Variants in ZCWPW1 observed in about 807,000 individuals in gnomAD.
ZCWPW1 encodes the protein zinc finger CW-type PWWP domain protein 1.
ZCWPW1 carries 56 observed loss-of-function variants against 81.3 expected under a neutral mutation model. That is an observed-to-expected ratio of 0.69 (90% CI 0.56 to 0.86). ZCWPW1 has a LOEUF of 0.86. Among genes scored for constraint, ZCWPW1 ranks in the 40% least tolerant of loss-of-function variants. The pLI is 0.00. For missense variants in ZCWPW1, 650 were observed against 769.8 expected (o/e 0.84, Z 1.84); for synonymous variants, 250 against 273.7 (o/e 0.91, Z 0.86).
At position 100,401,028 on chromosome 7, in the gene ZCWPW1, G is replaced by A. The variant is rs1378690221; in HGVS notation, c.1936C>T (p.Leu646=). ...AGGAGCACCAGCTACTTCCCAAACA[G>A]CGCCACGGGGAAGTCCTCGCCATCA... is the stretch of plus-strand genomic sequence containing the variant. ...NSDGEDFPVA[L]FGK is the part of the protein sequence containing the mutation. Residue 646 remains leucine (L), a synonymous_variant, in exon 18 of 18, where the codon CTG becomes TTG. Coordinates refer to ENST00000684423, the MANE Select transcript of ZCWPW1 (RefSeq NM_001386010.1). The A allele has an allele frequency of 6.2e-7, 1 of 1,608,366 alleles. No homozygotes were observed. The highest frequency in any genetic ancestry group is 8.5e-7 in the Non-Finnish European group (1 of 1,176,060).
At chr7:100,409,112 C>T (rs1267560948) in intron 9 of ZCWPW1, among the ~76,000 whole-genome samples, 1 of 152,128 alleles carries the variant, frequency 6.6e-6, no homozygotes, top group African/African-American at 2.4e-5. Context: ...TCTGTTTTCC[C>T]CGATATATCC....
intron 15 of ZCWPW1, among the ~76,000 whole-genome samples, chr7:100,403,246 C>T (rs1245299479): frequency 2.0e-5 from 3 of 147,626 alleles, no homozygotes; most frequent in South Asian, 2.1e-4. Context: ...GAGGGAGTTT[C>T]GCTCTGTTGC....
chr7:100,408,009 G>A (rs776225549), intron 10 of ZCWPW1, among the ~76,000 whole-genome samples: 6 of 152,126 alleles, frequency 3.9e-5, no homozygotes, highest in Non-Finnish European at 8.8e-5. Flanking sequence ...GGAGTGCAGT[G>A]GTGCAATCTT....
chr7:100,414,690 C>T (rs1226905156), intron 8 of ZCWPW1, among the ~76,000 whole-genome samples: 1 of 151,962 alleles, frequency 6.6e-6, no homozygotes, highest in African/African-American at 2.4e-5. Context: ...TTTTTGAACA[C>T]ACTAGTATAT....
At chr7:100,401,406 T>G in intron 17 of ZCWPW1, 70 bp from the exon 18 acceptor site, 1 of 1,303,276 alleles carries the variant, frequency 7.7e-7, no homozygotes, top group Non-Finnish European at 1.0e-6. Context: ...TAAGTCAAAC[T>G]CCTAAATCTC....
At position 100,401,998 on chromosome 7, in the gene ZCWPW1, T is replaced by A; in HGVS notation, c.1518A>T (p.Thr506=). Residue 506 remains threonine (T), a synonymous_variant, in exon 17 of 18, where the codon ACA becomes ACT. Coordinates refer to ENST00000684423, the MANE Select transcript of ZCWPW1 (RefSeq NM_001386010.1). ...DAGTADGRGR[T]LQRKIMKRSL... is the part of the protein sequence containing the mutation. ...ATCTCTTCATTATCTTCCTCTGCAG[T>A]GTCCTGCCTCGGCCATCTGCTGTGC... is the stretch of plus-strand genomic sequence containing the variant. The A allele has an allele frequency of 6.2e-7, 1 of 1,614,006 alleles. No homozygotes were observed. The highest frequency in any genetic ancestry group is 8.5e-7 in the Non-Finnish European group (1 of 1,179,928).
intron 12 of ZCWPW1, among the ~76,000 whole-genome samples, chr7:100,406,369 C>T (rs1336230230): frequency 1.3e-5 from 2 of 152,218 alleles, no homozygotes; most frequent in East Asian, 1.9e-4. Flanking sequence ...TTATCTCGCC[C>T]GAAATGCCAA....
chr7:100,404,436 C>T (rs1320071658), intron 13 of ZCWPW1, among the ~76,000 whole-genome samples, 192 bp from the exon 14 acceptor site: 4 of 152,232 alleles, frequency 2.6e-5, no homozygotes, highest in Non-Finnish European at 1.5e-5. Context: ...TCTTTACTCA[C>T]TGCAACCTCC....
chr7:100,408,547 A>ATG lies in ZCWPW1; in HGVS notation c.983_984insCA (p.Tyr329IlefsTer8). ...GTGTCATAATGCCCTACCAGGGGTA[A>ATG]CCGTATTGCTTGGCCCAGATGATGG... On this transcript the variant is annotated frameshift_variant, in exon 10 of 18. Coordinates refer to ENST00000684423, the MANE Select transcript of ZCWPW1 (RefSeq NM_001386010.1). LOFTEE classifies it high-confidence loss of function. The ATG allele has an allele frequency of 6.2e-7, 1 of 1,613,728 alleles. No individual in the cohort carries two copies.
chr7:100,407,180 T>G, intron 11 of ZCWPW1, 48 bp downstream of exon 11: 1 of 1,556,786 alleles, frequency 6.4e-7, no homozygotes, highest in Non-Finnish European at 8.9e-7. Context: ...ATGGATTTGT[T>G]CATTACTTTG....
chr7:100,401,795 G>A lies in ZCWPW1; in HGVS notation c.1627+94C>T, dbSNP rs117419696. ...ATTTTCATTCATTCTGTAAAGTAAT[G>A]AAAAGCTGTAAAATGGTTAAGAAAT... is the stretch of plus-strand genomic sequence containing the variant. On this transcript the variant is annotated intron_variant, in intron 17 of 17. Coordinates refer to ENST00000684423, the MANE Select transcript of ZCWPW1 (RefSeq NM_001386010.1). The A allele has an allele frequency of 4.9e-5, 72 of 1,471,016 alleles. No homozygotes were observed. In the East Asian group the frequency reaches 1.6e-3, roughly 32 times the overall value. The allele number at this position is 1,471,016 out of a possible 1,614,324, so 91.1% of individuals were successfully genotyped here.
chr7:100,419,967 CAG>C (rs1379662126), intron 3 of ZCWPW1, 84 bp from the exon 4 acceptor site: 520 of 1,141,882 alleles, frequency 4.6e-4, no homozygotes, highest in Non-Finnish European at 2.3e-5. Context: ...CTAGCCATAA[CAG>C]AATGATATGG....
intron 2 of ZCWPW1, among the ~76,000 whole-genome samples, chr7:100,422,150 T>G (rs1191656133): frequency 6.6e-6 from 1 of 152,198 alleles, no homozygotes; most frequent in Non-Finnish European, 1.5e-5. Context: ...TGGGGGAAAT[T>G]CAGGTTTACA....
intron 13 of ZCWPW1, 119 bp from the exon 14 acceptor site, chr7:100,404,363 CATTATT>C (rs1159872694): frequency 4.3e-6 from 4 of 930,842 alleles, no homozygotes; most frequent in Non-Finnish European, 3.3e-6. Flanking sequence ...CCAAAATTAT[CATTATT>C]ATTATTTTTG....
chr7:100,407,412 A>C (rs1015892874), intron 10 of ZCWPW1, 109 bp from the exon 11 acceptor site: 8 of 987,454 alleles, frequency 8.1e-6, no homozygotes, highest in South Asian at 7.3e-5. Context: ...TTTTTTTCTG[A>C]GACAAGGTCT....
Position 100,417,052 on chromosome 7 carries a change from T to G in ZCWPW1, c.479+14A>C, listed in dbSNP as rs371547757. 3.7e-6 allele frequency: 6 copies of G among 1,602,770 alleles called. No individual in the cohort carries two copies. The African/African-American group carries it at 8.0e-5, about 21-fold the overall frequency. ...CCATTCTGTGTTCAACTTGCCTCAC[T>G]GAAATAAACTTACCCATTAGCATTA... On this transcript the variant is annotated intron_variant, in intron 6 of 17. Coordinates refer to ENST00000684423, the MANE Select transcript of ZCWPW1 (RefSeq NM_001386010.1).
intron 8 of ZCWPW1, among the ~76,000 whole-genome samples, chr7:100,411,251 G>GA (rs147130878): frequency 0.21 from 32,156 of 151,728 alleles, 3,678 homozygotes; most frequent in African/African-American, 0.29. Context: ...TCACATATAA[G>GA]GATCACTTTC....
chr7:100,403,428 G>A (rs982465027), intron 15 of ZCWPW1, among the ~76,000 whole-genome samples: 5 of 152,116 alleles, frequency 3.3e-5, no homozygotes, highest in Admixed American at 2.6e-4. Context: ...TGTTAGCCAG[G>A]ATGGTCTCGA....
Position 100,401,076 on chromosome 7 carries a change from C to G in ZCWPW1, c.1888G>C (p.Gly630Arg). The change falls in exon 18 of 18, where the codon GGG (glycine) becomes CGG (arginine). Residue 630 changes from glycine (G) to arginine (R), a missense_variant. Coordinates refer to ENST00000684423, the MANE Select transcript of ZCWPW1 (RefSeq NM_001386010.1). ...TCACTGTTGCTGTGCTGCAGCTCCC[C>G]GCTCTGCCCCAGCTCTCTCCCAACA... ...EDVGRELGQS[G>R]ELQHSNSDGE... 1.2e-6 allele frequency: 2 copies of G among 1,614,180 alleles called. No individual in the cohort carries two copies.
Sources: allele counts gnomAD v4.1 joint callset (sites outside exome capture counted in the v4.1 genomes callset), GRCh38; gene constraint gnomAD v4.1.1; transcripts MANE v1.5; gene names NCBI Gene and HGNC (gene_info 2026-07-23, HGNC 2026-07-21).